The following RALYL variants were observed in gnomAD, a reference collection of about 807,000 sequenced individuals.
The protein encoded by RALYL is RNA-binding Raly-like protein.
In RALYL, 29 loss-of-function variants were observed where a neutral mutation model predicts 35.1. The observed-to-expected ratio is 0.83, with a 90% CI of 0.61 to 1.13. The LOEUF is 1.13. Among genes scored for constraint, RALYL ranks in the 50% most tolerant of loss-of-function variants. RALYL has a pLI of 0.00. For synonymous variants in RALYL, 120 were observed against 127.6 expected (o/e 0.94, Z 0.40); for missense variants, 359 against 360.4 (o/e 1.00, Z 0.03).
chr8:84,728,580 T>A (rs1845476088), intron 2 of RALYL, among the ~76,000 whole-genome samples: 1 of 151,974 alleles, frequency 6.6e-6, no homozygotes, highest in Non-Finnish European at 1.5e-5. Context: ...AATGCCTAGG[T>A]TTTCTTCTAG....
chr8:84,898,023 T>TA (rs545122822), intron 8 of RALYL, among the ~76,000 whole-genome samples: 190 of 152,152 alleles, frequency 1.2e-3, no homozygotes, highest in African/African-American at 4.4e-3. Flanking sequence ...GTATGCAAAG[T>TA]AAAAAAGAAT....
At chr8:84,444,318 G>C (rs1587325018) in intron 1 of RALYL, among the ~76,000 whole-genome samples, 1 of 151,990 alleles carries the variant, frequency 6.6e-6, no homozygotes, top group East Asian at 1.9e-4. Flanking sequence ...AACAGAGCAA[G>C]AGCCTGTCAA....
chr8:84,459,614 C>T (rs532670156), intron 1 of RALYL, among the ~76,000 whole-genome samples: 2 of 151,708 alleles, frequency 1.3e-5, no homozygotes, highest in South Asian at 4.1e-4. Flanking sequence ...AAAGATGTTT[C>T]TAACTGTGGG....
intron 1 of RALYL, among the ~76,000 whole-genome samples, chr8:84,330,432 T>A (rs1251286395): frequency 6.6e-6 from 1 of 151,976 alleles, no homozygotes; most frequent in Admixed American, 6.6e-5. Flanking sequence ...TGCATAAATT[T>A]GCTCATCATA....
chr8:84,469,702 G>T (rs1587576451), intron 1 of RALYL, among the ~76,000 whole-genome samples: 2 of 152,332 alleles, frequency 1.3e-5, no homozygotes, highest in Admixed American at 1.3e-4. Context: ...GTTTACCTAA[G>T]CAAGCCTGGG....
At chr8:84,442,221 A>G (rs2048397286) in intron 1 of RALYL, among the ~76,000 whole-genome samples, 1 of 152,116 alleles carries the variant, frequency 6.6e-6, no homozygotes, top group Non-Finnish European at 1.5e-5. Context: ...TGTAAATATG[A>G]AAAAAGATTA....
intron 1 of RALYL, among the ~76,000 whole-genome samples, chr8:84,347,737 C>T (rs1850104484): frequency 6.6e-6 from 1 of 152,080 alleles, no homozygotes; most frequent in Admixed American, 6.6e-5. Context: ...ATTATTTGTG[C>T]TGTTTCACTG....
chr8:84,796,999 G>A (rs1418501753), intron 3 of RALYL, among the ~76,000 whole-genome samples: 3 of 152,152 alleles, frequency 2.0e-5, no homozygotes, highest in Non-Finnish European at 2.9e-5. Context: ...TTTGCTGTGT[G>A]TCTTAGTTCG....
At chr8:84,706,620 G>A (rs1841263149) in intron 2 of RALYL, among the ~76,000 whole-genome samples, 1 of 152,064 alleles carries the variant, frequency 6.6e-6, no homozygotes, top group African/African-American at 2.4e-5. Flanking sequence ...CATTTCAAAG[G>A]GTTAAAAGGA....
At chr8:84,499,912 G>A (rs1391971352) in intron 1 of RALYL, among the ~76,000 whole-genome samples, 1 of 151,942 alleles carries the variant, frequency 6.6e-6, no homozygotes, top group East Asian at 1.9e-4. Context: ...ATGCCACCAT[G>A]CCCGACCAAT....
chr8:84,718,235 T>C (rs993486026), intron 2 of RALYL, among the ~76,000 whole-genome samples: 4 of 152,172 alleles, frequency 2.6e-5, no homozygotes, highest in East Asian at 3.9e-4. Flanking sequence ...CTTGTCCCAA[T>C]TGAAATAAAC....
intron 1 of RALYL, among the ~76,000 whole-genome samples, chr8:84,487,659 G>A (rs183087124): frequency 3.3e-5 from 5 of 152,194 alleles, no homozygotes; most frequent in Admixed American, 2.6e-4. Context: ...CAGCTTTCGA[G>A]CTGGAAAGAA....
intron 1 of RALYL, among the ~76,000 whole-genome samples, chr8:84,347,909 G>A (rs1254265945): frequency 6.6e-6 from 1 of 152,076 alleles, no homozygotes; most frequent in Non-Finnish European, 1.5e-5. Flanking sequence ...AGCCTGTAGA[G>A]GTTCAGAGAG....
chr8:84,631,113 T>C (rs1823820798), intron 2 of RALYL, among the ~76,000 whole-genome samples: 1 of 152,034 alleles, frequency 6.6e-6, no homozygotes. Flanking sequence ...ATTTCATGTT[T>C]TGATAGTGTC....
chr8:84,515,497 C>T (rs941039561), intron 1 of RALYL, among the ~76,000 whole-genome samples: 1 of 152,070 alleles, frequency 6.6e-6, no homozygotes, highest in Non-Finnish European at 1.5e-5. Flanking sequence ...AAAATAACAC[C>T]ATTAACAACA....
At chr8:84,284,862 T>C (rs2132130476) in intron 1 of RALYL, among the ~76,000 whole-genome samples, 1 of 152,336 alleles carries the variant, frequency 6.6e-6, no homozygotes, top group South Asian at 2.1e-4. Flanking sequence ...TTAATTACAG[T>C]GAAGGATATA....
chr8:84,229,445 A>T (rs559666777), intron 1 of RALYL, among the ~76,000 whole-genome samples: 1 of 152,214 alleles, frequency 6.6e-6, no homozygotes. Flanking sequence ...TAAATAACCA[A>T]TAACCAATTG....
intron 1 of RALYL, among the ~76,000 whole-genome samples, chr8:84,293,709 C>A (rs1839217423): frequency 6.6e-6 from 1 of 152,100 alleles, no homozygotes; most frequent in South Asian, 2.1e-4. Context: ...GAATATTATT[C>A]TTAACAGTCT....
chr8:84,624,239 C>A (rs1162185083), intron 2 of RALYL, among the ~76,000 whole-genome samples: 1 of 152,204 alleles, frequency 6.6e-6, no homozygotes, highest in Non-Finnish European at 1.5e-5. Context: ...TTCTCTACTG[C>A]AGCTCTAACA....
Sources: allele counts gnomAD v4.1 joint callset (sites outside exome capture counted in the v4.1 genomes callset), GRCh38; gene constraint gnomAD v4.1.1; transcripts MANE v1.5; gene names NCBI Gene and HGNC (gene_info 2026-07-23, HGNC 2026-07-21).